ALMS1: variants seen among roughly 807,000 people sequenced by gnomAD.
ALMS1 encodes the protein ALMS1 centrosome and basal body associated protein, also known as centrosome-associated protein ALMS1.
ALMS1 carries 271 observed loss-of-function variants against 352.2 expected under a neutral mutation model. The ratio of observed to expected loss-of-function variants is 0.77; its 90% CI spans 0.70 to 0.85. The LOEUF (loss-of-function observed/expected upper bound fraction) is 0.85, where lower values mean the gene tolerates loss of function less well. ALMS1 is among the 40% of genes least tolerant of loss of function. The probability of loss-of-function intolerance (pLI) is 0.00; values close to 1 mark genes in which losing one functional copy is unlikely to be tolerated. For missense variants in ALMS1, 5,445 were observed against 4,870.7 expected (o/e 1.12, Z -3.51); for synonymous variants, 1,865 against 1,761.2 (o/e 1.06, Z -1.48).
chr2:73,444,523 T>C (rs1479003620), intron 7 of ALMS1, among the ~76,000 whole-genome samples: 2 of 152,168 alleles, frequency 1.3e-5, no homozygotes, highest in East Asian at 3.8e-4. Flanking sequence ...AAGAACTTAG[T>C]GATAGCAACA....
chr2:73,544,465 T>A (rs1674267073), intron 12 of ALMS1, among the ~76,000 whole-genome samples: 1 of 152,062 alleles, frequency 6.6e-6, no homozygotes, highest in Non-Finnish European at 1.5e-5. Flanking sequence ...TGTATACATA[T>A]GTAACAAACC....
chr2:73,491,243 T>C lies in ALMS1; in HGVS notation c.9284T>C (p.Leu3095Pro), dbSNP rs1442287884. 1.9e-6 allele frequency: 3 copies of C among 1,614,142 alleles called. No individual in the cohort carries two copies. The highest frequency in any genetic ancestry group is 1.1e-5 in the South Asian group (1 of 91,060). ...TTACATACTGTATCTTCGAGATCAC[T>C]GGAACCAACCTCCAAATTATTGACC... ...FDLHTVSSRS[L>P]EPTSKLLTSK... Residue 3095 changes from leucine (L) to proline (P), a missense_variant, in exon 10 of 23, where the codon CTG (leucine) becomes CCG (proline). By Grantham distance (98) the Leu-to-Pro change is moderately conservative. Coordinates refer to ENST00000613296, the MANE Select transcript of ALMS1 (RefSeq NM_001378454.1).
At chr2:73,511,410 G>T (rs920853603) in intron 10 of ALMS1, among the ~76,000 whole-genome samples, 1 of 152,062 alleles carries the variant, frequency 6.6e-6, no homozygotes, top group Admixed American at 6.6e-5. Flanking sequence ...GCTTCCCTTG[G>T]TTAGGGGAGG....
intron 9 of ALMS1, 118 bp downstream of exon 9, chr2:73,455,413 GT>G: frequency 7.2e-7 from 1 of 1,392,116 alleles, no homozygotes. Context: ...GCCTTTTTTG[GT>G]TTTGTTTTTG....
At chr2:73,510,548 C>T (rs1187387553) in intron 10 of ALMS1, among the ~76,000 whole-genome samples, 1 of 152,230 alleles carries the variant, frequency 6.6e-6, no homozygotes, top group African/African-American at 2.4e-5. Flanking sequence ...ATGAAGGCTG[C>T]AGAACAGCAA....
chr2:73,521,859 A>T (rs1220464467), intron 11 of ALMS1, among the ~76,000 whole-genome samples: 1 of 152,196 alleles, frequency 6.6e-6, no homozygotes, highest in Non-Finnish European at 1.5e-5. Context: ...AATCGATATT[A>T]TTTGGTTTAG....
intron 14 of ALMS1, among the ~76,000 whole-genome samples, chr2:73,557,799 A>G (rs1674576540): frequency 6.6e-6 from 1 of 152,208 alleles, no homozygotes; most frequent in African/African-American, 2.4e-5. Context: ...CTAATAGTGT[A>G]TTTACGTTAG....
chr2:73,536,260 A>C (rs1174675375), intron 12 of ALMS1, among the ~76,000 whole-genome samples: 1 of 152,222 alleles, frequency 6.6e-6, no homozygotes, highest in African/African-American at 2.4e-5. Flanking sequence ...CAGATGTGCC[A>C]GTACTTTCTG....
chr2:73,602,577 TA>T (rs764647353), intron 20 of ALMS1, among the ~76,000 whole-genome samples: 1 of 152,274 alleles, frequency 6.6e-6, no homozygotes, highest in South Asian at 2.1e-4. Context: ...CCAGTTACTC[TA>T]AGCCCTGTCA....
At position 73,572,982 on chromosome 2, in the gene ALMS1, G is replaced by A. The variant is rs188864796; in HGVS notation, c.11105G>A (p.Arg3702Gln). 8.7e-6 allele frequency: 14 copies of A among 1,614,056 alleles called. No homozygotes were observed. The highest frequency in any genetic ancestry group is 3.3e-5 in the Admixed American group (2 of 59,982). Residue 3702 changes from arginine to glutamine, a missense_variant, in exon 16 of 23, where the codon CGA becomes CAA. Arg to Gln is a conservative substitution (Grantham distance 43, BLOSUM62 1). Transcript: ENST00000613296. ...LKKSKVLSHH[R>Q]AGRSNQIKIE... ...AAAAGCAAGGTGCTTTCTCATCATC[G>A]AGCTGGGAGGTCTAATCAAATTAAA...
chr2:73,501,371 TTAAGAAATG>T (rs781068297), intron 10 of ALMS1, among the ~76,000 whole-genome samples: 37 of 152,086 alleles, frequency 2.4e-4, no homozygotes, highest in Non-Finnish European at 8.8e-5. Context: ...TGTGTCCTGA[TTAAGAAATG>T]TTGCCTAATC....
intron 11 of ALMS1, among the ~76,000 whole-genome samples, chr2:73,529,323 C>T (rs1389677468): frequency 1.3e-5 from 2 of 152,120 alleles, no homozygotes; most frequent in African/African-American, 4.8e-5. Flanking sequence ...GAATTACAGG[C>T]GTGAGCCACT....
intron 15 of ALMS1, among the ~76,000 whole-genome samples, chr2:73,565,669 G>A (rs1035500415): frequency 6.6e-6 from 1 of 152,158 alleles, no homozygotes; most frequent in African/African-American, 2.4e-5. Context: ...GGGTCATCAA[G>A]ATCATCATCA....
At position 73,454,053 on chromosome 2, in the gene ALMS1, G is replaced by T; in HGVS notation, c.7526G>T (p.Arg2509Leu). ...AGAAATGCAGAGGAAGAGGAAAGCC[G>T]GGTACGAGCACATGGTAAGAAGAAA... Reference protein sequence around the residue: ...ILRNAEEEESRVRAHAWNMKF... With the variant: ...ILRNAEEEESLVRAHAWNMKF... Residue 2509 changes from arginine to leucine, a missense_variant, in exon 8 of 23, where the codon CGG (arginine) becomes CTG (leucine). Physicochemically the swap from Arg to Leu is moderately radical, Grantham distance 102 (BLOSUM62 -2). Transcript: ENST00000613296. 1 of 1,610,896 alleles carries T rather than the reference G, an allele frequency of 6.2e-7. No individual in the cohort carries two copies. The highest frequency in any genetic ancestry group is 8.5e-7 in the Non-Finnish European group (1 of 1,178,478).
In ALMS1 at chr2:73,448,659, T is replaced by C. The variant is rs945366656; in HGVS notation, c.2132T>C (p.Val711Ala). ...GACCAGAAGACTGGGACAGCAACAG[T>C]ACTCTCTACTCCCCACTCACATAGA... ...PADQKTGTAT[V>A]LSTPHSHREK... The change falls in exon 8 of 23, where the codon GTA becomes GCA. Residue 711 changes from valine to alanine, a missense_variant. Coordinates refer to ENST00000613296, the MANE Select transcript of ALMS1 (RefSeq NM_001378454.1). 8 of 1,613,716 alleles carry C rather than the reference T, an allele frequency of 5.0e-6. No individual in the cohort carries two copies. Among genetic ancestry groups the C allele is most frequent in the Non-Finnish European group, 6.8e-6 (8 of 1,179,900 alleles).
Position 73,450,725 on chromosome 2 carries a change from C to G in ALMS1, c.4198C>G (p.His1400Asp). 2 of 1,613,278 alleles carry G rather than the reference C, an allele frequency of 1.2e-6. No homozygotes were observed. Among genetic ancestry groups the G allele is most frequent in the Non-Finnish European group, 1.7e-6 (2 of 1,179,596 alleles). ...IFYQQSLPGS[H>D]LTEEAKNVSA... ...CTACCAACAGTCGTTGCCAGGTAGT[C>G]ATCTAACTGAAGAGGCTAAGAACGT... The change falls in exon 8 of 23, where the codon CAT becomes GAT. Residue 1400 changes from histidine (H) to aspartate (D), a missense_variant. His to Asp is a moderately conservative substitution (Grantham distance 81, BLOSUM62 -1). Coordinates refer to ENST00000613296, the MANE Select transcript of ALMS1 (RefSeq NM_001378454.1).
At chr2:73,513,673 C>T (rs891740931) in intron 10 of ALMS1, among the ~76,000 whole-genome samples, 1 of 152,204 alleles carries the variant, frequency 6.6e-6, no homozygotes. Context: ...TGTAAGGCCA[C>T]CCCAGTGTGG....
chr2:73,576,467 CT>C (rs927344674), intron 16 of ALMS1, among the ~76,000 whole-genome samples: 3 of 151,746 alleles, frequency 2.0e-5, no homozygotes, highest in Admixed American at 6.6e-5. Context: ...TTTATTAACT[CT>C]TTTTTTGTGT....
At chr2:73,421,702 CAA>C (rs1393149268) in intron 3 of ALMS1, among the ~76,000 whole-genome samples, 9 of 152,098 alleles carry the variant, frequency 5.9e-5, no homozygotes, top group East Asian at 5.8e-4. Flanking sequence ...AAGATTAAAA[CAA>C]GAGGGTGATG....
Sources: gnomAD v4.1 joint callset for allele counts (sites outside exome capture counted in the v4.1 genomes callset) on GRCh38, gnomAD v4.1.1 for gene constraint, MANE v1.5 for transcripts, NCBI Gene and HGNC (gene_info 2026-07-23, HGNC 2026-07-21) for gene names.